GRAMD4: variants seen among roughly 807,000 people sequenced by gnomAD.
GRAMD4 encodes the protein GRAM domain-containing protein 4.
GRAMD4 carries 25 observed loss-of-function variants against 83.9 expected under a neutral mutation model. That is an observed-to-expected ratio of 0.30 (90% CI 0.22 to 0.42). The LOEUF (loss-of-function observed/expected upper bound fraction) is 0.42, where lower values mean the gene tolerates loss of function less well. GRAMD4 is among the 10% of genes least tolerant of loss of function. The pLI, the probability that GRAMD4 is intolerant of heterozygous loss-of-function variation, is 1.00. For synonymous variants in GRAMD4, 336 were observed against 320.9 expected (o/e 1.05, Z -0.50); for missense variants, 593 against 788.7 (o/e 0.75, Z 2.97).
chr22:46,675,455 G>C lies in GRAMD4; in HGVS notation c.1479-13G>C. On this transcript the variant is annotated splice_polypyrimidine_tract_variant and intron_variant, in intron 16 of 18. Transcript: ENST00000406902. ...CAAGAGCCAGGCGACGCCTCTGTCC[G>C]TTCCCCTTCCAGTTACTTGTGCTTC... 6.2e-7 allele frequency: 1 copy of C among 1,601,012 alleles called. No individual in the cohort carries two copies. The highest frequency in any genetic ancestry group is 1.1e-5 in the South Asian group (1 of 90,796).
chr22:46,595,471 G>A (rs1243656249), intron 1 of GRAMD4, among the ~76,000 whole-genome samples: 1 of 152,258 alleles, frequency 6.6e-6, no homozygotes, highest in Non-Finnish European at 1.5e-5. Context: ...GGGAGGTGGC[G>A]CCCTGATGTT....
intron 2 of GRAMD4, among the ~76,000 whole-genome samples, chr22:46,635,475 A>C (rs541860214): frequency 1.9e-4 from 2 of 10,560 alleles, no homozygotes; most frequent in Non-Finnish European, 3.2e-4. Context: ...CCCTGCCCCC[A>C]CCCCTGGCCA....
chr22:46,588,407 T>C (rs1198772253), intron 1 of GRAMD4, among the ~76,000 whole-genome samples: 1 of 152,138 alleles, frequency 6.6e-6, no homozygotes, highest in Non-Finnish European at 1.5e-5. Context: ...GCTCTGTGGA[T>C]GTGGGGCAGA....
intron 3 of GRAMD4, among the ~76,000 whole-genome samples, chr22:46,654,504 TCCA>T (rs2082214049): frequency 6.6e-6 from 1 of 152,166 alleles, no homozygotes. Context: ...CTCAAGTGGC[TCCA>T]CGAGGGCGGG....
chr22:46,668,639 G>C (rs766464850), intron 11 of GRAMD4, 50 bp from the exon 12 acceptor site: 1 of 1,567,014 alleles, frequency 6.4e-7, no homozygotes, highest in East Asian at 2.2e-5. Context: ...CGGTGTGACT[G>C]ACAGCCCAGG....
chr22:46,675,445 G>A (rs772892472), intron 16 of GRAMD4, 23 bp from the exon 17 acceptor site: 14 of 1,569,650 alleles, frequency 8.9e-6, no homozygotes, highest in African/African-American at 1.4e-5. Flanking sequence ...GCCAGGCGAC[G>A]CCTCTGTCCG....
chr22:46,635,081 T>G (rs922091044), intron 2 of GRAMD4, among the ~76,000 whole-genome samples: 9 of 119,348 alleles, frequency 7.5e-5, no homozygotes, highest in Non-Finnish European at 1.7e-4. Context: ...ACTCCTGTCT[T>G]GGGGAGCCGT....
upstream of GRAMD4, among the ~76,000 whole-genome samples, chr22:46,616,776 G>A (rs1178004327): frequency 1.4e-5 from 2 of 146,688 alleles, no homozygotes; most frequent in Non-Finnish European, 1.5e-5. Flanking sequence ...CCCTGTGCGT[G>A]CAGGTTCCCC....
intron 1 of GRAMD4, among the ~76,000 whole-genome samples, chr22:46,590,408 C>G (rs76664651): frequency 1.3e-5 from 2 of 152,054 alleles, no homozygotes; most frequent in African/African-American, 4.8e-5. Flanking sequence ...GAGAAGGTGC[C>G]GGGGATGGGT....
At chr22:46,676,403 C>G (rs1424501004) in intron 17 of GRAMD4, among the ~76,000 whole-genome samples, 197 bp from the exon 18 acceptor site, 5 of 152,228 alleles carry the variant, frequency 3.3e-5, no homozygotes, top group Non-Finnish European at 5.9e-5. Context: ...GGGACAGACC[C>G]TTTACAGGTC....
intron 3 of GRAMD4, among the ~76,000 whole-genome samples, chr22:46,649,732 G>A (rs1451512709): frequency 3.3e-5 from 5 of 152,204 alleles, no homozygotes; most frequent in Non-Finnish European, 4.4e-5. Flanking sequence ...TGCACATAGC[G>A]GTAAATGACA....
chr22:46,589,675 C>A (rs1351286536), intron 1 of GRAMD4, among the ~76,000 whole-genome samples: 1 of 152,114 alleles, frequency 6.6e-6, no homozygotes, highest in African/African-American at 2.4e-5. Flanking sequence ...CCCCCCAGTC[C>A]CGCTCTGTTT....
intron 13 of GRAMD4, among the ~76,000 whole-genome samples, chr22:46,669,936 T>C (rs2082476695): frequency 1.3e-5 from 2 of 152,190 alleles, no homozygotes; most frequent in Non-Finnish European, 2.9e-5. Context: ...TTTTCCTCAA[T>C]AACAACGATC....
At chr22:46,663,340 G>GC (rs2082358799) in intron 6 of GRAMD4, among the ~76,000 whole-genome samples, 168 bp downstream of exon 6, 1 of 152,228 alleles carries the variant, frequency 6.6e-6, no homozygotes, top group South Asian at 2.1e-4. Context: ...GCCGTGCCTG[G>GC]CAGGGGCTTG....
At chr22:46,613,465 C>T (rs1248218846) in intron 1 of GRAMD4, among the ~76,000 whole-genome samples, 1 of 152,268 alleles carries the variant, frequency 6.6e-6, no homozygotes, top group Non-Finnish European at 1.5e-5. Flanking sequence ...ACCCCTAGCC[C>T]CGCACAGGCG....
intron 1 of GRAMD4, among the ~76,000 whole-genome samples, chr22:46,607,277 T>C (rs1167675256): frequency 6.6e-6 from 1 of 152,048 alleles, no homozygotes; most frequent in Non-Finnish European, 1.5e-5. Context: ...CAAACCAACA[T>C]GGCACGTGCA....
chr22:46,620,200 G>A, upstream of GRAMD4: 5 of 488,888 alleles, frequency 1.0e-5, no homozygotes, highest in Non-Finnish European at 1.3e-5. The surrounding 1 kb of genome is among the most constrained non-coding windows in gnomAD (Gnocchi z 4.7). Flanking sequence ...AGACACTGTT[G>A]CCTTTGTGTG....
chr22:46,638,454 G>A (rs114712319), intron 3 of GRAMD4, among the ~76,000 whole-genome samples: 98 of 152,352 alleles, frequency 6.4e-4, no homozygotes, highest in Non-Finnish European at 1.1e-3. Context: ...TTGGCCAGGC[G>A]TGCCTGGTTT....
chr22:46,613,932 G>C (rs1427715190), intron 1 of GRAMD4, among the ~76,000 whole-genome samples: 1 of 152,232 alleles, frequency 6.6e-6, no homozygotes, highest in African/African-American at 2.4e-5. Flanking sequence ...AGGGGAGGCT[G>C]CTGCTGTTCA....
Sources: gnomAD v4.1 joint callset for allele counts (sites outside exome capture counted in the v4.1 genomes callset) on GRCh38, gnomAD v4.1.1 for gene constraint, Gnocchi (gnomAD v3.1) non-coding constraint, MANE v1.5 for transcripts, NCBI Gene and HGNC (gene_info 2026-07-23, HGNC 2026-07-21) for gene names.